The following HMCN1 variants were observed in gnomAD, a reference collection of about 807,000 sequenced individuals.
HMCN1 encodes the protein hemicentin-1.
HMCN1 carries 321 observed loss-of-function variants against 625.9 expected under a neutral mutation model. That is an observed-to-expected ratio of 0.51 (90% CI 0.47 to 0.56). HMCN1 has a LOEUF of 0.56. Among genes scored for constraint, HMCN1 ranks in the 20% least tolerant of loss-of-function variants. The pLI is 0.00. For synonymous variants in HMCN1, 2,425 were observed against 2,417.6 expected, an observed-to-expected ratio of 1.00 and a Z score of -0.09; for missense variants, 6,588 against 6,887.3, an observed-to-expected ratio of 0.96 and a Z score of 1.54.
chr1:185,787,124 A>G (rs1657646553), intron 1 of HMCN1, among the ~76,000 whole-genome samples: 1 of 150,482 alleles, frequency 6.6e-6, no homozygotes, highest in African/African-American at 2.5e-5. Context: ...AGAAAATTGT[A>G]TGAAGCGCCA....
intron 71 of HMCN1, among the ~76,000 whole-genome samples, chr1:186,112,352 G>T (rs1164758412): frequency 6.6e-6 from 1 of 152,152 alleles, no homozygotes; most frequent in African/African-American, 2.4e-5. Context: ...ATTTCCAGAG[G>T]CTCTAACTCT....
intron 13 of HMCN1, 45 bp from the exon 14 acceptor site, chr1:185,965,757 G>A (rs774762879): frequency 9.7e-7 from 1 of 1,030,764 alleles, no homozygotes; most frequent in Non-Finnish European, 1.5e-6. Context: ...AAATCCATCT[G>A]GTCTTGTGCT....
At chr1:186,129,879 A>G in intron 83 of HMCN1, 87 bp from the exon 84 acceptor site, 3 of 1,534,270 alleles carry the variant, frequency 2.0e-6, no homozygotes, top group South Asian at 2.3e-5. Context: ...TGACCAACTC[A>G]TAAATCTAAT....
chr1:185,824,014 A>G (rs1660357525), intron 1 of HMCN1, among the ~76,000 whole-genome samples: 1 of 152,184 alleles, frequency 6.6e-6, no homozygotes, highest in Non-Finnish European at 1.5e-5. Flanking sequence ...TGGGGAACTG[A>G]CATGGCATAT....
intron 66 of HMCN1, 56 bp from the exon 67 acceptor site, chr1:186,094,220 A>G: frequency 7.9e-7 from 1 of 1,260,532 alleles, no homozygotes; most frequent in South Asian, 1.2e-5. Context: ...TAATTATTTT[A>G]TGTGTACTTG....
At chr1:185,885,321 G>A (rs765428805) in intron 4 of HMCN1, among the ~76,000 whole-genome samples, 1 of 151,830 alleles carries the variant, frequency 6.6e-6, no homozygotes, top group Non-Finnish European at 1.5e-5. Flanking sequence ...TCATATAAAG[G>A]CATACAGACA....
Position 186,139,169 on chromosome 1 carries a change from A to C in HMCN1, c.13924+1197A>C, listed in dbSNP as rs150398952. On this transcript the variant is annotated intron_variant, in intron 89 of 106. Transcript: ENST00000271588. ...CAGATGAGGAAAGATTTAGAAAATA[A>C]TGTGCAGTAATTCACTAAGGATAGA... Among the ~76,000 whole-genome samples the C allele has an allele frequency of 1.7e-4, 26 of 152,344 alleles. No individual in the cohort carries two copies. In the East Asian group the frequency reaches 4.6e-3, roughly 27 times the overall value.
At chr1:185,807,431 G>A (rs1435582429) in intron 1 of HMCN1, among the ~76,000 whole-genome samples, 2 of 152,166 alleles carry the variant, frequency 1.3e-5, no homozygotes, top group African/African-American at 4.8e-5. Context: ...ATATTCACAT[G>A]TGTACTCACA....
chr1:185,970,224 T>C (rs912224342), intron 14 of HMCN1, 111 bp from the exon 15 acceptor site: 2 of 1,005,158 alleles, frequency 2.0e-6, no homozygotes, highest in Non-Finnish European at 3.2e-6. Context: ...AACACTTGTG[T>C]TTAAAAACTT....
In HMCN1 at chr1:185,892,148, G is replaced by A. The variant is rs567631612; in HGVS notation, c.622-17189G>A. On this transcript the variant is annotated intron_variant, in intron 4 of 106. Coordinates refer to ENST00000271588, the MANE Select transcript of HMCN1 (RefSeq NM_031935.3). The stretch of plus-strand genomic sequence containing the variant: ...TTCTTCACGTAGTTCTCGAGCCTTG[G>A]TTTTCAGCTCCATCAGCTCCTTTAA... 3.6e-3 allele frequency among the ~76,000 whole-genome samples: 539 copies of A among 148,882 alleles called. 10 individuals carry two copies. The South Asian group carries it at 0.044, about 12-fold the overall frequency.
intron 50 of HMCN1, among the ~76,000 whole-genome samples, chr1:186,068,415 A>G (rs1658261344): frequency 1.3e-5 from 2 of 152,180 alleles, no homozygotes; most frequent in Non-Finnish European, 2.9e-5. Flanking sequence ...TAATGCAAAT[A>G]AAAAGATAAA....
chr1:185,964,027 CTGAT>C (rs748471414), intron 13 of HMCN1, 132 bp downstream of exon 13: 108 of 765,694 alleles, frequency 1.4e-4, no homozygotes, highest in African/African-American at 4.9e-4. Flanking sequence ...ATTTCACACA[CTGAT>C]TGAAGCAAAT....
chr1:186,057,031 TCACACACACACACACA>T (rs59926356), intron 45 of HMCN1, among the ~76,000 whole-genome samples, 187 bp from the exon 46 acceptor site: 2 of 147,934 alleles, frequency 1.4e-5, no homozygotes, highest in Admixed American at 1.4e-4. Context: ...TCCAGGAATG[TCACACACACACACACA>T]CACACACACA....
At chr1:186,082,462 C>T (rs545285755) in intron 56 of HMCN1, among the ~76,000 whole-genome samples, 18 of 152,244 alleles carry the variant, frequency 1.2e-4, no homozygotes, top group Admixed American at 2.6e-4. Flanking sequence ...AAAGAGTGAG[C>T]ACGAGTGAAC....
chr1:185,782,732 C>G lies in HMCN1; in HGVS notation c.268+47685C>G, dbSNP rs539876584. Among the ~76,000 whole-genome samples the G allele has an allele frequency of 5.3e-5, 8 of 152,306 alleles. No individual in the cohort carries two copies. In the South Asian group the frequency reaches 1.7e-3, roughly 32 times the overall value. On this transcript the variant is annotated intron_variant, in intron 1 of 106. Transcript: ENST00000271588. ...AGAGATCCGCTGTTAGTCTGATGGG[C>G]TTCCCTTTGTGGGTAATCCCACCTT...
chr1:185,795,497 T>C (rs6697503), intron 1 of HMCN1, among the ~76,000 whole-genome samples: 86,891 of 152,034 alleles, frequency 0.57, 27,967 homozygotes, highest in African/African-American at 0.89. Flanking sequence ...ATGCCAAGGA[T>C]GCAACTCAAG....
rs59691709 is a variant in HMCN1 at position 185,892,893 on chromosome 1, G to A, written c.622-16444G>A. ...ACCTACGGAAGCCTGGTCAATGGCG[G>A]GCGCCCCTCCCCCAGCCTCGCTGCC... On this transcript the variant is annotated intron_variant, in intron 4 of 106. Coordinates refer to ENST00000271588, the MANE Select transcript of HMCN1 (RefSeq NM_031935.3). Among the ~76,000 whole-genome samples the A allele has an allele frequency of 7.6e-3, 1,157 of 152,314 alleles. 14 individuals are homozygous for A. Among genetic ancestry groups the A allele is most frequent in the African/African-American group, 0.025 (1,039 of 41,552 alleles).
At chr1:185,886,516 T>A (rs1473002378) in intron 4 of HMCN1, among the ~76,000 whole-genome samples, 1 of 152,026 alleles carries the variant, frequency 6.6e-6, no homozygotes, top group Non-Finnish European at 1.5e-5. Flanking sequence ...GCACAAACTG[T>A]ATTTATAGAT....
At chr1:185,849,481 T>C (rs549466933) in intron 2 of HMCN1, among the ~76,000 whole-genome samples, 1 of 152,308 alleles carries the variant, frequency 6.6e-6, no homozygotes, top group Admixed American at 6.5e-5. Flanking sequence ...AGGACTGGCA[T>C]ATAGAACATG....
Sources: gnomAD v4.1 joint callset for allele counts (sites outside exome capture counted in the v4.1 genomes callset) on GRCh38, gnomAD v4.1.1 for gene constraint, MANE v1.5 for transcripts, NCBI Gene and HGNC (gene_info 2026-07-23, HGNC 2026-07-21) for gene names.